GPC6: variants seen among roughly 807,000 people sequenced by gnomAD.
GPC6 encodes glypican-6.
A neutral mutation model predicts 55.2 loss-of-function variants in GPC6; 14 were observed. The ratio of observed to expected loss-of-function variants is 0.25; its 90% CI spans 0.17 to 0.40. The LOEUF (loss-of-function observed/expected upper bound fraction) is 0.40, where lower values mean the gene tolerates loss of function less well. Ranked by LOEUF, GPC6 falls within the 10% of genes least tolerant of loss-of-function variation. GPC6 has a pLI of 1.00. For synonymous variants in GPC6, 278 were observed against 259.6 expected, an observed-to-expected ratio of 1.07 and a Z score of -0.68; for missense variants, 641 against 708.5, an observed-to-expected ratio of 0.90 and a Z score of 1.08.
At chr13:94,377,548 A>C (rs1179635981) in intron 6 of GPC6, among the ~76,000 whole-genome samples, 4 of 149,356 alleles carry the variant, frequency 2.7e-5, no homozygotes, top group African/African-American at 9.8e-5. Context: ...AGGAAACAAC[A>C]GGTGCTGGAG....
intron 1 of GPC6, among the ~76,000 whole-genome samples, chr13:93,432,360 T>C (rs1003307392): frequency 6.6e-6 from 1 of 152,134 alleles, no homozygotes; most frequent in Non-Finnish European, 1.5e-5. Context: ...ATTGGCAGCA[T>C]GGCAAACCGA....
intron 2 of GPC6, among the ~76,000 whole-genome samples, chr13:93,670,173 A>G (rs981459853): frequency 6.6e-6 from 1 of 152,170 alleles, no homozygotes; most frequent in African/African-American, 2.4e-5. Flanking sequence ...TTGCTTGCCA[A>G]TAATAAAGCC....
chr13:93,617,276 G>C (rs1405559165), intron 2 of GPC6, among the ~76,000 whole-genome samples: 1 of 152,036 alleles, frequency 6.6e-6, no homozygotes, highest in Non-Finnish European at 1.5e-5. Context: ...ATATAGCCCA[G>C]GAGTTTTCCA....
At chr13:93,674,120 A>G (rs1320831738) in intron 2 of GPC6, among the ~76,000 whole-genome samples, 2 of 152,138 alleles carry the variant, frequency 1.3e-5, no homozygotes, top group Non-Finnish European at 2.9e-5. Flanking sequence ...AATGGAAGCA[A>G]TGAAACACTG....
At chr13:94,026,464 AT>A (rs995574764) in intron 3 of GPC6, among the ~76,000 whole-genome samples, 2 of 151,328 alleles carry the variant, frequency 1.3e-5, no homozygotes, top group Non-Finnish European at 2.9e-5. Context: ...TACAAATTAG[AT>A]TTTTTTCCTC....
intron 2 of GPC6, among the ~76,000 whole-genome samples, chr13:93,550,934 T>TG (rs887354356): frequency 1.1e-4 from 16 of 152,134 alleles, no homozygotes; most frequent in Non-Finnish European, 2.9e-5. Context: ...GTTTACGTTT[T>TG]GGGGGAGACA....
chr13:93,423,054 A>C (rs1323992), intron 1 of GPC6, among the ~76,000 whole-genome samples: 59,065 of 128,650 alleles, frequency 0.46, 13,408 homozygotes, highest in Non-Finnish European at 0.56. Flanking sequence ...GTCACACCCC[A>C]CCAGCTCCCC....
intron 1 of GPC6, among the ~76,000 whole-genome samples, chr13:93,497,990 G>A (rs1236413619): frequency 6.6e-6 from 1 of 152,178 alleles, no homozygotes; most frequent in Non-Finnish European, 1.5e-5. Flanking sequence ...TAACTTTGTA[G>A]TACTGGTTAG....
At chr13:93,600,985 G>C (rs982943274) in intron 2 of GPC6, among the ~76,000 whole-genome samples, 1 of 151,394 alleles carries the variant, frequency 6.6e-6, no homozygotes, top group African/African-American at 2.4e-5. Context: ...AAAAAACGGG[G>C]ATATGATTTC....
At chr13:93,240,272 A>G (rs1256577759) in intron 1 of GPC6, among the ~76,000 whole-genome samples, 2 of 152,058 alleles carry the variant, frequency 1.3e-5, no homozygotes, top group Non-Finnish European at 2.9e-5. Flanking sequence ...TATGGAATCT[A>G]TTAGTATTTG....
At chr13:93,281,152 A>G (rs1416683020) in intron 1 of GPC6, among the ~76,000 whole-genome samples, 1 of 152,206 alleles carries the variant, frequency 6.6e-6, no homozygotes, top group Non-Finnish European at 1.5e-5. Flanking sequence ...ATTCTACTAT[A>G]TCTGCCACAA....
intron 2 of GPC6, among the ~76,000 whole-genome samples, chr13:93,679,165 A>C (rs1408286022): frequency 6.6e-6 from 1 of 152,180 alleles, no homozygotes; most frequent in Non-Finnish European, 1.5e-5. Context: ...ATAGATAACA[A>C]TAGGAATAAT....
intron 4 of GPC6, among the ~76,000 whole-genome samples, chr13:94,126,742 T>C (rs1886833116): frequency 6.6e-6 from 1 of 152,146 alleles, no homozygotes; most frequent in Non-Finnish European, 1.5e-5. Context: ...TTTTTGGACC[T>C]GTACACTTTT....
chr13:93,636,736 G>A (rs1183490305), intron 2 of GPC6, among the ~76,000 whole-genome samples: 1 of 152,172 alleles, frequency 6.6e-6, no homozygotes, highest in Non-Finnish European at 1.5e-5. Flanking sequence ...ACTCAGGGCA[G>A]TCCACCAGAA....
chr13:93,858,749 G>T (rs933997943), intron 3 of GPC6, among the ~76,000 whole-genome samples: 1 of 151,428 alleles, frequency 6.6e-6, no homozygotes, highest in Non-Finnish European at 1.5e-5. Flanking sequence ...TGGTGGTATC[G>T]ACTAGCAGTT....
chr13:94,003,059 C>T (rs918553445), intron 3 of GPC6, among the ~76,000 whole-genome samples: 2 of 152,220 alleles, frequency 1.3e-5, no homozygotes, highest in African/African-American at 2.4e-5. Flanking sequence ...TAATTCGCAT[C>T]TAGCTGTGAA....
At position 94,088,548 on chromosome 13, in the gene GPC6, AGG is replaced by A; in HGVS notation, c.877+60656_877+60657del. On this transcript the variant is annotated intron_variant, in intron 4 of 8. Transcript: ENST00000377047. ...TATATTAAAAAGAAAAAGAGAGGGA[AGG>A]GAAGGGAAGGGCAGGGGAGGGGAAG... Among the ~76,000 whole-genome samples, 4 of 5,436 alleles carry A rather than the reference AGG, an allele frequency of 7.4e-4. No individual in the cohort carries two copies. The South Asian group carries it at 0.056, about 76-fold the overall frequency. The allele number at this position is 5,436 out of a possible 152,430, so 3.6% of individuals were successfully genotyped here.
chr13:93,787,784 A>AATGTATATT (rs1186477961), intron 2 of GPC6, among the ~76,000 whole-genome samples: 2 of 150,722 alleles, frequency 1.3e-5, no homozygotes, highest in Non-Finnish European at 2.9e-5. Flanking sequence ...ATTTCTTCTA[A>AATGTATATT]ATGTATATTT....
intron 1 of GPC6, among the ~76,000 whole-genome samples, chr13:93,532,985 C>CCCTAAAGTAGAATGTTAATTGA (rs1448116403): frequency 2.0e-5 from 3 of 152,030 alleles, no homozygotes; most frequent in Non-Finnish European, 2.9e-5. Context: ...TGATAAGGTC[C>CCCTAAAGTAGAATGTTAATTGA]CCTAAAGTAG....
Sources: gnomAD v4.1 joint callset for allele counts (sites outside exome capture counted in the v4.1 genomes callset) on GRCh38, gnomAD v4.1.1 for gene constraint, MANE v1.5 for transcripts, NCBI Gene and HGNC (gene_info 2026-07-23, HGNC 2026-07-21) for gene names.